Variants in DENND1B observed in about 807,000 individuals in gnomAD.
DENND1B encodes the protein DENN domain-containing protein 1B.
In DENND1B, 59 loss-of-function variants were observed where a neutral mutation model predicts 90.1. The ratio of observed to expected loss-of-function variants is 0.65; its 90% CI spans 0.53 to 0.81. The LOEUF is 0.81. Among genes scored for constraint, DENND1B ranks in the 40% least tolerant of loss-of-function variants. The pLI, the probability that DENND1B is intolerant of heterozygous loss-of-function variation, is 0.00. For missense variants in DENND1B, 862 were observed against 912.6 expected, an observed-to-expected ratio of 0.94 and a Z score of 0.71; for synonymous variants, 337 against 324.6, an observed-to-expected ratio of 1.04 and a Z score of -0.41.
At chr1:197,732,873 T>G (rs1436208378) in intron 2 of DENND1B, among the ~76,000 whole-genome samples, 1 of 152,206 alleles carries the variant, frequency 6.6e-6, no homozygotes, top group Non-Finnish European at 1.5e-5. Flanking sequence ...GGATTCTTTG[T>G]ACACTAAGAT....
In DENND1B at chr1:197,738,086, T is replaced by C. The variant is rs143079380; in HGVS notation, c.83-23012A>G. Among the ~76,000 whole-genome samples the C allele has an allele frequency of 8.3e-4, 127 of 152,314 alleles. 1 individual carries two copies. In the Middle Eastern group the frequency reaches 0.01, roughly 12 times the overall value. On this transcript the variant is annotated intron_variant, in intron 2 of 22. Transcript: ENST00000620048. ...CCCTTCAACTGTATTTACACAGATT[T>C]CTCTGACACCTGTTTATTACATTTC...
At chr1:197,528,098 C>A (rs1273015578) in intron 20 of DENND1B, among the ~76,000 whole-genome samples, 1 of 152,090 alleles carries the variant, frequency 6.6e-6, no homozygotes, top group Admixed American at 6.6e-5. Flanking sequence ...TGTGGACATC[C>A]CATCTTTTCT....
chr1:197,552,815 G>A, intron 16 of DENND1B: 1 of 1,321,280 alleles, frequency 7.6e-7, no homozygotes, highest in South Asian at 2.2e-5. Context: ...GCCAATTCAG[G>A]AGGCCAACTT....
intron 3 of DENND1B, among the ~76,000 whole-genome samples, chr1:197,676,543 T>G (rs148736472): frequency 2.0e-5 from 3 of 152,126 alleles, no homozygotes; most frequent in Non-Finnish European, 4.4e-5. Context: ...CTACAGACTT[T>G]TGCATTTAAA....
chr1:197,552,923 C>A, intron 16 of DENND1B, 99 bp downstream of exon 16: 3 of 1,525,358 alleles, frequency 2.0e-6, no homozygotes, highest in Admixed American at 5.3e-5. Context: ...AGGAGGAAAT[C>A]ATTAGTTGTT....
intron 2 of DENND1B, among the ~76,000 whole-genome samples, chr1:197,770,001 T>G (rs924127519): frequency 6.6e-6 from 1 of 152,136 alleles, no homozygotes; most frequent in African/African-American, 2.4e-5. Context: ...ATTTTATTAT[T>G]TATAGCTACT....
At chr1:197,555,170 TA>T (rs914303145) in intron 15 of DENND1B, among the ~76,000 whole-genome samples, 5 of 151,630 alleles carry the variant, frequency 3.3e-5, no homozygotes, top group Non-Finnish European at 4.4e-5. Flanking sequence ...CAAGATATAT[TA>T]AAAAAAATTA....
intron 14 of DENND1B, among the ~76,000 whole-genome samples, chr1:197,592,007 G>A (rs1333959362): frequency 6.7e-6 from 1 of 149,106 alleles, no homozygotes; most frequent in Non-Finnish European, 1.5e-5. Context: ...TACTCGGGAC[G>A]CTGAGGCAGG....
chr1:197,722,242 T>C (rs1661250674), intron 2 of DENND1B, among the ~76,000 whole-genome samples: 2 of 152,170 alleles, frequency 1.3e-5, no homozygotes, highest in Non-Finnish European at 2.9e-5. Context: ...TATATATGGA[T>C]AGAAACTTTG....
chr1:197,535,687 C>G (rs1386200338), intron 20 of DENND1B, among the ~76,000 whole-genome samples: 1 of 152,178 alleles, frequency 6.6e-6, no homozygotes, highest in Non-Finnish European at 1.5e-5. Flanking sequence ...AACCACTTCT[C>G]TGAGAACTGC....
intron 15 of DENND1B, among the ~76,000 whole-genome samples, chr1:197,574,306 C>T (rs770766922): frequency 3.3e-5 from 5 of 152,078 alleles, no homozygotes; most frequent in African/African-American, 7.2e-5. Context: ...AACAGACAAT[C>T]GGAGAGCCAA....
At chr1:197,738,454 T>C (rs544332229) in intron 2 of DENND1B, among the ~76,000 whole-genome samples, 1 of 152,328 alleles carries the variant, frequency 6.6e-6, no homozygotes, top group East Asian at 1.9e-4. Flanking sequence ...CCAGAGCTGA[T>C]AAGTCAAACA....
At chr1:197,670,872 C>T (rs1655436554) in intron 5 of DENND1B, among the ~76,000 whole-genome samples, 1 of 152,072 alleles carries the variant, frequency 6.6e-6, no homozygotes. Context: ...TTAAGCATGA[C>T]ATTCTTTTGG....
intron 2 of DENND1B, chr1:197,734,194 T>A (rs1409233760): frequency 1.1e-6 from 1 of 869,722 alleles, no homozygotes; most frequent in Non-Finnish European, 1.4e-6. Context: ...AACTAAAAAG[T>A]AGATAACTGA....
chr1:197,767,167 A>C (rs1655800283), intron 2 of DENND1B, among the ~76,000 whole-genome samples: 1 of 152,022 alleles, frequency 6.6e-6, no homozygotes, highest in Non-Finnish European at 1.5e-5. Flanking sequence ...TAAGAATACA[A>C]ATTAATAAGT....
At position 197,648,911 on chromosome 1, in the gene DENND1B, A is replaced by C. The variant is rs535657808; in HGVS notation, c.448-1797T>G. On this transcript the variant is annotated intron_variant, in intron 7 of 22. Transcript: ENST00000620048. ...TGCTGACTCCCAAATTTGGGTTAAAAATTCCAGGTTATCCTTAGTTTTTTA... is the reference window on the plus strand; with the variant it reads ...TGCTGACTCCCAAATTTGGGTTAAACATTCCAGGTTATCCTTAGTTTTTTA... Among the ~76,000 whole-genome samples, 4 of 152,318 alleles carry C rather than the reference A, an allele frequency of 2.6e-5. No homozygotes were observed. The South Asian group carries it at 8.3e-4, about 32-fold the overall frequency.
Position 197,631,078 on chromosome 1 carries a change from G to A in DENND1B, c.672+11633C>T, listed in dbSNP as rs141963660. On this transcript the variant is annotated intron_variant, in intron 10 of 22. Transcript: ENST00000620048. ...TCACTCTCAGAAAGTCAATTCAATA[G>A]CAGTTTTTCTTTTCTTAGAGAAGGC... Among the ~76,000 whole-genome samples, 673 of 152,110 alleles carry A rather than the reference G, an allele frequency of 4.4e-3. 10 individuals carry two copies. The highest frequency in any genetic ancestry group is 0.015 in the African/African-American group (629 of 41,518).
chr1:197,541,820 T>A (rs537135913), intron 18 of DENND1B, among the ~76,000 whole-genome samples: 2 of 152,214 alleles, frequency 1.3e-5, no homozygotes, highest in South Asian at 4.1e-4. Flanking sequence ...AGTACTACTA[T>A]GATCACATTT....
At chr1:197,585,610 G>A (rs1417113141) in intron 14 of DENND1B, among the ~76,000 whole-genome samples, 1 of 152,218 alleles carries the variant, frequency 6.6e-6, no homozygotes, top group Non-Finnish European at 1.5e-5. Context: ...CACTTGTGAT[G>A]ACACAAATCA....
Sources: gnomAD v4.1 joint callset for allele counts (sites outside exome capture counted in the v4.1 genomes callset) on GRCh38, gnomAD v4.1.1 for gene constraint, MANE v1.5 for transcripts, NCBI Gene and HGNC (gene_info 2026-07-23, HGNC 2026-07-21) for gene names.